Variants in NCEH1 observed in about 807,000 individuals in gnomAD.
NCEH1 encodes the protein neutral cholesterol ester hydrolase 1.
A neutral mutation model predicts 25.4 loss-of-function variants in NCEH1; 9 were observed. The ratio of observed to expected loss-of-function variants is 0.35; its 90% CI spans 0.21 to 0.62. The LOEUF (loss-of-function observed/expected upper bound fraction) is 0.62. NCEH1 is among the 20% of genes least tolerant of loss of function. The pLI, the probability that NCEH1 is intolerant of heterozygous loss-of-function variation, is 0.72. For missense variants in NCEH1, 412 were observed against 501.1 expected (o/e 0.82, Z 1.70); for synonymous variants, 200 against 199.8 (o/e 1.00, Z -0.01).
intron 1 of NCEH1, among the ~76,000 whole-genome samples, chr3:172,681,427 G>C (rs754663032): frequency 6.6e-6 from 1 of 152,014 alleles, no homozygotes; most frequent in Admixed American, 6.6e-5. Flanking sequence ...CACAATAAAC[G>C]TATCCAAAGG....
At chr3:172,651,511 G>A (rs191707763) in intron 1 of NCEH1, among the ~76,000 whole-genome samples, 454 of 152,060 alleles carry the variant, frequency 3.0e-3, no homozygotes, top group African/African-American at 9.8e-3. Flanking sequence ...GCAAAGAAAC[G>A]GGAGTTCCTT....
intron 1 of NCEH1, among the ~76,000 whole-genome samples, chr3:172,650,727 G>A (rs1417052091): frequency 4.1e-5 from 6 of 147,568 alleles, no homozygotes; most frequent in Non-Finnish European, 5.9e-5. Flanking sequence ...TAAGCGAATC[G>A]CTTGAACCCG....
At chr3:172,645,881 G>A (rs1045029431) in intron 2 of NCEH1, among the ~76,000 whole-genome samples, 189 bp from the exon 3 acceptor site, 1 of 152,106 alleles carries the variant, frequency 6.6e-6, no homozygotes, top group Non-Finnish European at 1.5e-5. Flanking sequence ...CTAATAACAT[G>A]CAACTACTAT....
At chr3:172,665,472 C>G (rs1464010052) in intron 1 of NCEH1, among the ~76,000 whole-genome samples, 1 of 152,210 alleles carries the variant, frequency 6.6e-6, no homozygotes, top group East Asian at 1.9e-4. Flanking sequence ...TGTCCGTTCT[C>G]AGATCTCAAA....
At chr3:172,670,551 G>C (rs1410969704) in intron 1 of NCEH1, among the ~76,000 whole-genome samples, 3 of 152,210 alleles carry the variant, frequency 2.0e-5, no homozygotes, top group Non-Finnish European at 4.4e-5. Flanking sequence ...CAGCAGAGCA[G>C]AGCTTAAAGC....
At chr3:172,663,793 T>G (rs1341244382) in intron 1 of NCEH1, among the ~76,000 whole-genome samples, 1 of 152,214 alleles carries the variant, frequency 6.6e-6, no homozygotes, top group Admixed American at 6.5e-5. Flanking sequence ...CCCCTGCTTT[T>G]TTTTGTTTTC....
intron 1 of NCEH1, among the ~76,000 whole-genome samples, chr3:172,687,149 C>A (rs1712745362): frequency 6.6e-6 from 1 of 152,154 alleles, no homozygotes; most frequent in Non-Finnish European, 1.5e-5. Context: ...CCCAAACATG[C>A]AGCTTGGTTT....
chr3:172,686,706 G>T (rs530385371), intron 1 of NCEH1, among the ~76,000 whole-genome samples: 2 of 152,158 alleles, frequency 1.3e-5, no homozygotes, highest in Non-Finnish European at 2.9e-5. Flanking sequence ...AGTGGCGGGT[G>T]ATCCTGGGCC....
chr3:172,691,484 TGTGA>T (rs2108528838), intron 1 of NCEH1, among the ~76,000 whole-genome samples: 1 of 152,418 alleles, frequency 6.6e-6, no homozygotes, highest in African/African-American at 2.4e-5. Flanking sequence ...TCAGCAAATA[TGTGA>T]GTGTTTACTT....
chr3:172,645,690 T>C lies in NCEH1; in HGVS notation c.370A>G (p.Ile124Val), dbSNP rs1313974734. The change falls in exon 3 of 5, where the codon ATC (isoleucine) becomes GTC (valine). Residue 124 changes from isoleucine (I) to valine (V), a missense_variant and splice_region_variant. Transcript: ENST00000475381. ...GTACACAGCTCATCATAATACCTGA[T>C]TTCTAAAAGACACAAAGGGAACAAT... ...GGGWALASAK[I>V]RYYDELCTAM... 6.3e-7 allele frequency: 1 copy of C among 1,582,110 alleles called. No individual in the cohort carries two copies. The highest frequency in any genetic ancestry group is 8.6e-7 in the Non-Finnish European group (1 of 1,161,402).
chr3:172,664,252 GA>G (rs1441367663), intron 1 of NCEH1, among the ~76,000 whole-genome samples: 1 of 152,188 alleles, frequency 6.6e-6, no homozygotes, highest in Non-Finnish European at 1.5e-5. Flanking sequence ...ATTCTGGGTT[GA>G]AAATTCTTTT....
intron 3 of NCEH1, 24 bp from the exon 4 acceptor site, chr3:172,636,111 A>G (rs1326938642): frequency 1.9e-6 from 3 of 1,571,288 alleles, no homozygotes; most frequent in Non-Finnish European, 2.6e-6. Flanking sequence ...AGTTGTATTC[A>G]TTTAAGGCCT....
intron 1 of NCEH1, among the ~76,000 whole-genome samples, chr3:172,706,551 T>C (rs901321311): frequency 6.7e-6 from 1 of 148,364 alleles, no homozygotes; most frequent in African/African-American, 2.5e-5. Flanking sequence ...CAGGCTAGAG[T>C]GCAGTGGCAC....
rs1007655979 is a variant in NCEH1 at position 172,630,967 on chromosome 3, C to T, written c.*2508G>A. On this transcript the variant is annotated 3_prime_UTR_variant, in exon 5 of 5. Transcript: ENST00000475381. ...TGTTTATATTTCACAGACAATTTTA[C>T]AAAAAGATTATCATTTTTTTCATAA... The T allele has an allele frequency of 3.0e-4, 45 of 149,512 alleles. No homozygotes were observed. The highest frequency in any genetic ancestry group is 8.0e-4 in the Admixed American group (12 of 15,014). 9.3% of individuals were successfully genotyped at this position (149,512 alleles called of 1,614,324 possible). A position where few individuals can be genotyped will look rare whatever the true frequency, so the allele number is the denominator to read the frequency against.
At chr3:172,691,855 G>A (rs901202379) in intron 1 of NCEH1, among the ~76,000 whole-genome samples, 1 of 149,734 alleles carries the variant, frequency 6.7e-6, no homozygotes, top group Non-Finnish European at 1.5e-5. Flanking sequence ...GCTGAGGCAG[G>A]AGAATGGTGT....
chr3:172,677,668 C>G (rs893839374), intron 1 of NCEH1, among the ~76,000 whole-genome samples: 1 of 152,216 alleles, frequency 6.6e-6, no homozygotes, highest in African/African-American at 2.4e-5. Flanking sequence ...GCGGCTCACG[C>G]CTGTAATCCC....
At chr3:172,699,398 C>T (rs936113914) in intron 1 of NCEH1, among the ~76,000 whole-genome samples, 6 of 152,168 alleles carry the variant, frequency 3.9e-5, no homozygotes, top group East Asian at 3.9e-4. Flanking sequence ...ATAGGAAGTG[C>T]GGGTGGGGTG....
chr3:172,660,195 A>G (rs1224633309), intron 1 of NCEH1, among the ~76,000 whole-genome samples: 1 of 141,768 alleles, frequency 7.1e-6, no homozygotes, highest in East Asian at 2.1e-4. Context: ...CTCATTGTTC[A>G]ATTCCCATCT....
At chr3:172,697,552 A>T (rs925664893) in intron 1 of NCEH1, among the ~76,000 whole-genome samples, 2 of 151,070 alleles carry the variant, frequency 1.3e-5, no homozygotes, top group Non-Finnish European at 3.0e-5. Context: ...TTTTTTTTTT[A>T]AACTGTATTA....
Sources: allele counts gnomAD v4.1 joint callset (sites outside exome capture counted in the v4.1 genomes callset), GRCh38; gene constraint gnomAD v4.1.1; transcripts MANE v1.5; gene names NCBI Gene and HGNC (gene_info 2026-07-23, HGNC 2026-07-21).